The following NKX3-2 variants were observed in gnomAD, a reference collection of about 807,000 sequenced individuals.
The protein encoded by NKX3-2 is homeobox protein Nkx-3.2.
NKX3-2 carries 13 observed loss-of-function variants against 19.4 expected under a neutral mutation model. That is an observed-to-expected ratio of 0.67 (90% CI 0.44 to 1.07). The LOEUF is 1.07. Among genes scored for constraint, NKX3-2 ranks in the 50% least tolerant of loss-of-function variants. NKX3-2 has a pLI of 0.00. For missense variants in NKX3-2, 562 were observed against 488.2 expected (o/e 1.15, Z -1.42); for synonymous variants, 269 against 230.5 (o/e 1.17, Z -1.51).
chr4:13,547,238 G>T (rs1238394693), upstream of NKX3-2: 1 of 456,334 alleles, frequency 2.2e-6, no homozygotes, highest in South Asian at 1.5e-5. Flanking sequence ...TGGCGAAGGC[G>T]CAGCAGGCCT....
rs1387172482 is a variant in NKX3-2 at position 13,544,336 on chromosome 4, G to C, written c.79C>G (p.Leu27Val). The C allele has an allele frequency of 1.3e-6, 2 of 1,532,758 alleles. No individual in the cohort carries two copies. The highest frequency in any genetic ancestry group is 1.2e-5 in the South Asian group (1 of 83,274). The allele number at this position is 1,532,758 out of a possible 1,614,324, so 94.9% of individuals were successfully genotyped here. The change falls in exon 1 of 2, where the codon CTG (leucine) becomes GTG (valine). Residue 27 changes from leucine (L) to valine (V), a missense_variant. Transcript: ENST00000382438. ...GCCGGGCGCCCCTCTGGCGCGGCCAGCCCGCCGCGCTCCTCTTTCTTGTTG... is the reference window on the plus strand; with the variant it reads ...GCCGGGCGCCCCTCTGGCGCGGCCACCCCGCCGCGCTCCTCTTTCTTGTTG... ...ILNKKEERGG[L>V]AAPEGRPAPG...
chr4:13,544,283 GGCCACCGATGCCGCTGTGCCCCCGGGC>G lies in NKX3-2; in HGVS notation c.105_131del (p.Pro36_Ala44del). 10 of 1,545,810 alleles carry G rather than the reference GGCCACCGATGCCGCTGTGCCCCCGGGC, an allele frequency of 6.5e-6. No homozygotes were observed. Among genetic ancestry groups the G allele is most frequent in the Non-Finnish European group, 8.7e-6 (10 of 1,153,812 alleles). On this transcript the variant is annotated inframe_deletion, in exon 1 of 2. Transcript: ENST00000382438. The stretch of plus-strand genomic sequence containing the variant: ...GCCAACAGCAGACAGCGGGAGCCGC[GGCCACCGATGCCGCTGTGCCCCCGGGC>G]GCCGGGCGCCCCTCTGGCGCGGCCA...
Position 13,541,988 on chromosome 4 carries a change from C to T in NKX3-2, c.*5G>A, listed in dbSNP as rs1419976520. 2 of 1,576,606 alleles carry T rather than the reference C, an allele frequency of 1.3e-6. No individual in the cohort carries two copies. Among genetic ancestry groups the T allele is most frequent in the Non-Finnish European group, 1.7e-6 (2 of 1,161,722 alleles). ...GAATCACTCGCTGCCTCAGCCCAAG[C>T]GGGTTCACTGGGTGCCTGCGGCAGC... On this transcript the variant is annotated 3_prime_UTR_variant, in exon 2 of 2. Transcript: ENST00000382438.
At position 13,541,817 on chromosome 4, in the gene NKX3-2, A is replaced by G. The variant is rs114089334; in HGVS notation, c.*176T>C. On this transcript the variant is annotated 3_prime_UTR_variant, in exon 2 of 2. Transcript: ENST00000382438. ...TCAAATTAGAAAAAGGCGCCCCCTCAGGGCAGACTCAGCCCAGCTGCCAGG... is the reference window on the plus strand; with the variant it reads ...TCAAATTAGAAAAAGGCGCCCCCTCGGGGCAGACTCAGCCCAGCTGCCAGG... 3,567 of 988,806 alleles carry G rather than the reference A, an allele frequency of 3.6e-3. 87 individuals are homozygous for G. The African/African-American group carries it at 0.051, about 14-fold the overall frequency. The allele number at this position is 988,806 out of a possible 1,614,324, so 61.3% of individuals were successfully genotyped here.
At position 13,542,230 on chromosome 4, in the gene NKX3-2, C is replaced by T. The variant is rs1718007346; in HGVS notation, c.765G>A (p.Gln255=). 33 of 1,611,956 alleles carry T rather than the reference C, an allele frequency of 2.0e-5. No individual in the cohort carries two copies. The highest frequency in any genetic ancestry group is 2.7e-5 in the Non-Finnish European group (32 of 1,179,382). ...GGCGCTTTGTCTTGTAGCGACGGTT[C>T]TGGAACCAGATTTTCACCTGCGTCT... The part of the protein sequence containing the change: ...LTETQVKIWF[Q]NRRYKTKRRQ... Residue 255 remains glutamine, a synonymous_variant, in exon 2 of 2, where the codon CAG becomes CAA. Coordinates refer to ENST00000382438, the MANE Select transcript of NKX3-2 (RefSeq NM_001189.4). The surrounding 1 kb of genome is among the most constrained non-coding windows in gnomAD (Gnocchi z 6.4).
upstream of NKX3-2, chr4:13,544,723 T>G: frequency 5.2e-6 from 1 of 193,064 alleles, no homozygotes; most frequent in Non-Finnish European, 1.0e-5. Context: ...GGCTGGGGTC[T>G]GCCCCCTCGG....
chr4:13,543,822 T>C lies in NKX3-2; in HGVS notation c.466+127A>G. 1 of 875,518 alleles carries C rather than the reference T, an allele frequency of 1.1e-6. No individual in the cohort carries two copies. Among genetic ancestry groups the C allele is most frequent in the Admixed American group, 3.1e-5 (1 of 31,840 alleles). 54.2% of individuals were successfully genotyped at this position (875,518 alleles called of 1,614,324 possible). A position where few individuals can be genotyped will look rare whatever the true frequency, so the allele number is the denominator to read the frequency against. ...AGCAGCTCGCGCCAGAGCGCAGAAC[T>C]TCGGGATTTGGCCAGCCTCCGAGCC... On this transcript the variant is annotated intron_variant, in intron 1 of 1. Transcript: ENST00000382438. This position sits in a 1 kb window ranked among gnomAD's most constrained non-coding sequence, Gnocchi z 7.1.
upstream of NKX3-2, chr4:13,547,442 G>A: frequency 3.1e-6 from 1 of 317,482 alleles, no homozygotes. Context: ...CCGGGCGGCC[G>A]GTGAGGCTTT....
chr4:13,547,312 G>T (rs1718155747), upstream of NKX3-2: 1 of 448,624 alleles, frequency 2.2e-6, no homozygotes, highest in African/African-American at 2.0e-5. Flanking sequence ...CCCGCTTCCT[G>T]CCCATCGAGG....
Position 13,543,877 on chromosome 4 carries a change from C to T in NKX3-2, c.466+72G>A. ...GGCGCAGGGTGCTCAAGCCGACCAC[C>T]CCACTCGGCGTGGTTGCCCTCCGCG... is the stretch of plus-strand genomic sequence containing the variant. On this transcript the variant is annotated intron_variant, in intron 1 of 1. Transcript: ENST00000382438. The surrounding 1 kb of genome is among the most constrained non-coding windows in gnomAD (Gnocchi z 7.1). 7.4e-7 allele frequency: 1 copy of T among 1,345,806 alleles called. No homozygotes were observed. The highest frequency in any genetic ancestry group is 9.8e-7 in the Non-Finnish European group (1 of 1,017,372). The allele number at this position is 1,345,806 out of a possible 1,614,324, so 83.4% of individuals were successfully genotyped here. A position where few individuals can be genotyped will look rare whatever the true frequency, so the allele number is the denominator to read the frequency against.
Position 13,542,303 on chromosome 4 carries a change from A to G in NKX3-2, c.692T>C (p.Leu231Pro). Residue 231 changes from leucine to proline, a missense_variant, in exon 2 of 2, where the codon CTG becomes CCG. Coordinates refer to ENST00000382438, the MANE Select transcript of NKX3-2 (RefSeq NM_001189.4). The surrounding 1 kb of genome is among the most constrained non-coding windows in gnomAD (Gnocchi z 6.4). ...LERRFNHQRY[L>P]SGPERADLAA... ...CAGGTCTGCGCGCTCGGGCCCGGACAGGTAGCGCTGGTGGTTAAAGCGGCG... is the reference window on the plus strand; with the variant it reads ...CAGGTCTGCGCGCTCGGGCCCGGACGGGTAGCGCTGGTGGTTAAAGCGGCG... 6.2e-7 allele frequency: 1 copy of G among 1,604,402 alleles called. No individual in the cohort carries two copies.
chr4:13,541,692 A>C lies in NKX3-2; in HGVS notation c.*301T>G. 2.7e-6 allele frequency: 1 copy of C among 364,516 alleles called. No individual in the cohort carries two copies. The highest frequency in any genetic ancestry group is 4.3e-5 in the Admixed American group (1 of 23,432). The allele number at this position is 364,516 out of a possible 1,614,324, so 22.6% of individuals were successfully genotyped here. A position where few individuals can be genotyped will look rare whatever the true frequency, so the allele number is the denominator to read the frequency against. ...CCCCACCCCCAGGCAGACATATTCG[A>C]ATCAAAATTTAATTCCAACATTGTC... On this transcript the variant is annotated 3_prime_UTR_variant, in exon 2 of 2. Transcript: ENST00000382438.
In NKX3-2 at chr4:13,541,623, G is replaced by A. The variant is rs186240926; in HGVS notation, c.*370C>T. On this transcript the variant is annotated 3_prime_UTR_variant, in exon 2 of 2. Coordinates refer to ENST00000382438, the MANE Select transcript of NKX3-2 (RefSeq NM_001189.4). ...GCTCCCAGCAGGCCTGAAATTCTGA[G>A]GATTCAGGCTATGTGGTCTCCAGGA... 5 of 225,592 alleles carry A rather than the reference G, an allele frequency of 2.2e-5. No individual in the cohort carries two copies. The East Asian group carries it at 4.9e-4, about 22-fold the overall frequency. The allele number at this position is 225,592 out of a possible 1,614,324, so 14.0% of individuals were successfully genotyped here. A position where few individuals can be genotyped will look rare whatever the true frequency, so the allele number is the denominator to read the frequency against.
At position 13,542,594 on chromosome 4, in the gene NKX3-2, T is replaced by G; in HGVS notation, c.467-66A>C. ...GCCACAGACGAGGTGAGGCCGGGCC[T>G]CAACTGCAGGGGTCACGGGAGTGGG... On this transcript the variant is annotated intron_variant, in intron 1 of 1. Transcript: ENST00000382438. This position sits in a 1 kb window ranked among gnomAD's most constrained non-coding sequence, Gnocchi z 6.4. 6.4e-7 allele frequency: 1 copy of G among 1,574,782 alleles called. No homozygotes were observed. The highest frequency in any genetic ancestry group is 8.6e-7 in the Non-Finnish European group (1 of 1,160,380).
chr4:13,543,319 T>G lies in NKX3-2; in HGVS notation c.466+630A>C, dbSNP rs1207367947. On this transcript the variant is annotated intron_variant, in intron 1 of 1. Transcript: ENST00000382438. The surrounding 1 kb of genome is among the most constrained non-coding windows in gnomAD (Gnocchi z 7.1). ...ACCACAGGACAGGACAGGCCACGGC[T>G]GAGGAGGCCTCTCTCCTGCCTCCAG... 1.3e-5 allele frequency among the ~76,000 whole-genome samples: 2 copies of G among 152,130 alleles called. No individual in the cohort carries two copies. The highest frequency in any genetic ancestry group is 4.8e-5 in the African/African-American group (2 of 41,450).
rs780824434 is a variant in NKX3-2, at chr4:13,544,234, C to T, written c.181G>A (p.Gly61Ser). 36 of 1,588,716 alleles carry T rather than the reference C, an allele frequency of 2.3e-5. No homozygotes were observed. The East Asian group carries it at 8.2e-4, about 36-fold the overall frequency. Residue 61 changes from glycine to serine, a missense_variant, in exon 1 of 2, where the codon GGC becomes AGC. Physicochemically the swap from Gly to Ser is moderately conservative, Grantham distance 56. Coordinates refer to ENST00000382438, the MANE Select transcript of NKX3-2 (RefSeq NM_001189.4). ...GAGTCCTCGGCGCCCCCCAACGCGC[C>T]CGCGTCCCTCTCCCCAAAGAGCCGC... The part of the protein sequence containing the change: ...CWRLFGERDA[G>S]ALGGAEDSLL...
chr4:13,543,920 G>T lies in NKX3-2; in HGVS notation c.466+29C>A. 6.6e-7 allele frequency: 1 copy of T among 1,523,780 alleles called. No homozygotes were observed. Among genetic ancestry groups the T allele is most frequent in the Non-Finnish European group, 8.8e-7 (1 of 1,136,468 alleles). 94.4% of individuals were successfully genotyped at this position (1,523,780 alleles called of 1,614,324 possible). On this transcript the variant is annotated intron_variant, in intron 1 of 1. Coordinates refer to ENST00000382438, the MANE Select transcript of NKX3-2 (RefSeq NM_001189.4). This position sits in a 1 kb window ranked among gnomAD's most constrained non-coding sequence, Gnocchi z 7.1. ...CCTCCGCGTCCATCCCCTCAGCCCG[G>T]CCCCCATCCCCGCGAAGCCGCAGCA...
upstream of NKX3-2, chr4:13,547,360 T>G: frequency 2.6e-6 from 1 of 391,616 alleles, no homozygotes; most frequent in South Asian, 1.8e-5. Flanking sequence ...CTCCAGGAAC[T>G]CTGCAACCTC....
Position 13,540,979 on chromosome 4 carries a change from A to C in NKX3-2, c.*1014T>G, listed in dbSNP as rs1463772723. 6.6e-6 allele frequency: 1 copy of C among 152,302 alleles called. No individual in the cohort carries two copies. The highest frequency in any genetic ancestry group is 2.4e-5 in the African/African-American group (1 of 41,456). 9.4% of individuals were successfully genotyped at this position (152,302 alleles called of 1,614,324 possible). On this transcript the variant is annotated 3_prime_UTR_variant, in exon 2 of 2. Coordinates refer to ENST00000382438, the MANE Select transcript of NKX3-2 (RefSeq NM_001189.4). ...CGGCGAGGTTGACAAGACAGGTGGGATCACCTGTTTAAGGGTAAGTGAGGG... is the reference window on the plus strand; with the variant it reads ...CGGCGAGGTTGACAAGACAGGTGGGCTCACCTGTTTAAGGGTAAGTGAGGG...
Sources: gnomAD v4.1 joint callset for allele counts (sites outside exome capture counted in the v4.1 genomes callset) on GRCh38, gnomAD v4.1.1 for gene constraint, Gnocchi (gnomAD v3.1) non-coding constraint, MANE v1.5 for transcripts, NCBI Gene and HGNC (gene_info 2026-07-23, HGNC 2026-07-21) for gene names.